Variants in CDH12 observed in about 807,000 individuals in gnomAD.
The protein encoded by CDH12 is cadherin-12.
A neutral mutation model predicts 74.1 loss-of-function variants in CDH12; 41 were observed. The observed-to-expected ratio is 0.55, with a 90% CI of 0.43 to 0.72. The LOEUF (loss-of-function observed/expected upper bound fraction) is 0.72, where lower values mean the gene tolerates loss of function less well. CDH12 is among the 30% of genes least tolerant of loss of function. CDH12 has a pLI of 0.00. For synonymous variants in CDH12, 399 were observed against 355.0 expected, an observed-to-expected ratio of 1.12 and a Z score of -1.39; for missense variants, 945 against 977.2, an observed-to-expected ratio of 0.97 and a Z score of 0.44.
At chr5:22,666,144 T>C (rs566822909) in intron 1 of CDH12, among the ~76,000 whole-genome samples, 1 of 152,254 alleles carries the variant, frequency 6.6e-6, no homozygotes, top group East Asian at 1.9e-4. Flanking sequence ...ATGGACCCAA[T>C]TCCAATGCAG....
In CDH12 at chr5:22,212,620, C is replaced by T; in HGVS notation, c.-309G>A. 5.1e-6 allele frequency: 5 copies of T among 985,362 alleles called. No homozygotes were observed. Among genetic ancestry groups the T allele is most frequent in the Non-Finnish European group, 6.0e-6 (5 of 829,508 alleles). 61.0% of individuals were successfully genotyped at this position (985,362 alleles called of 1,614,324 possible). On this transcript the variant is annotated 5_prime_UTR_variant, in exon 4 of 15. Coordinates refer to ENST00000382254, the MANE Select transcript of CDH12 (RefSeq NM_004061.5). ...TAGCTGCATCCTGTGCTCCTTTTCC[C>T]TGTTATGTTGAGCTCCTCACTGTCT...
intron 1 of CDH12, among the ~76,000 whole-genome samples, chr5:22,563,003 C>A (rs1739130532): frequency 6.9e-6 from 1 of 145,606 alleles, no homozygotes. Flanking sequence ...TTTATATATG[C>A]AAATATATAT....
At chr5:22,208,527 C>T (rs1037247444) in intron 4 of CDH12, among the ~76,000 whole-genome samples, 12 of 152,202 alleles carry the variant, frequency 7.9e-5, no homozygotes, top group Non-Finnish European at 1.2e-4. Context: ...GTCCTTTTTA[C>T]GTTTCTCAAC....
At chr5:22,196,626 C>A (rs1750633966) in intron 4 of CDH12, among the ~76,000 whole-genome samples, 1 of 152,102 alleles carries the variant, frequency 6.6e-6, no homozygotes, top group South Asian at 2.1e-4. Flanking sequence ...CATTTGCTCT[C>A]ATCAAAAAAG....
At chr5:21,882,796 G>T in intron 6 of CDH12, 3 of 1,573,586 alleles carry the variant, frequency 1.9e-6, no homozygotes, top group Non-Finnish European at 2.6e-6. Context: ...CAGAGCTGGG[G>T]AAGTCCCAAC....
At chr5:22,537,098 G>A (rs1454314086) in intron 1 of CDH12, among the ~76,000 whole-genome samples, 1 of 152,106 alleles carries the variant, frequency 6.6e-6, no homozygotes, top group Non-Finnish European at 1.5e-5. Flanking sequence ...TTCTTATGGT[G>A]CCATTAATAG....
intron 1 of CDH12, among the ~76,000 whole-genome samples, chr5:22,725,850 C>T (rs987908012): frequency 2.0e-5 from 3 of 151,882 alleles, no homozygotes; most frequent in African/African-American, 7.2e-5. Flanking sequence ...ATTTTATCCT[C>T]ATGTAAAACA....
At chr5:21,819,711 G>C (rs1748258758) in intron 8 of CDH12, among the ~76,000 whole-genome samples, 1 of 151,970 alleles carries the variant, frequency 6.6e-6, no homozygotes, top group South Asian at 2.1e-4. Context: ...GGAAATAACT[G>C]AACAAGTGTT....
At chr5:22,671,368 T>C (rs1400693321) in intron 1 of CDH12, among the ~76,000 whole-genome samples, 1 of 152,162 alleles carries the variant, frequency 6.6e-6, no homozygotes, top group Non-Finnish European at 1.5e-5. Context: ...ACTAATTTGT[T>C]CTAAACACCA....
intron 4 of CDH12, among the ~76,000 whole-genome samples, chr5:22,111,826 GA>G: frequency 6.6e-6 from 1 of 152,228 alleles, no homozygotes; most frequent in Non-Finnish European, 1.5e-5. Context: ...TTTGAAATTT[GA>G]AATGCATGTA....
chr5:22,425,172 A>ATATATATATATATAT (rs1554039892), intron 2 of CDH12, among the ~76,000 whole-genome samples: 4 of 83,484 alleles, frequency 4.8e-5, no homozygotes, highest in Non-Finnish European at 1.0e-4. Flanking sequence ...TATATATATA[A>ATATATATATATATAT]ATATATATAT....
intron 1 of CDH12, among the ~76,000 whole-genome samples, chr5:22,677,005 T>C (rs1741226877): frequency 1.3e-5 from 2 of 152,316 alleles, no homozygotes; most frequent in South Asian, 4.1e-4. Flanking sequence ...TCTTCTACTT[T>C]AATAATTTTG....
chr5:22,808,421 T>C (rs1748930375), intron 1 of CDH12, among the ~76,000 whole-genome samples: 1 of 152,092 alleles, frequency 6.6e-6, no homozygotes, highest in Non-Finnish European at 1.5e-5. Flanking sequence ...TTTAAATGCT[T>C]ACTTTGTTAG....
intron 2 of CDH12, among the ~76,000 whole-genome samples, chr5:22,468,389 C>G (rs1745818970): frequency 6.6e-6 from 1 of 152,146 alleles, no homozygotes; most frequent in Non-Finnish European, 1.5e-5. Context: ...AATGTGGCTT[C>G]TCTATTCTTT....
chr5:22,801,671 A>ACTT, intron 1 of CDH12, among the ~76,000 whole-genome samples: 2 of 113,576 alleles, frequency 1.8e-5, no homozygotes, highest in Admixed American at 9.2e-5. Context: ...ATATATATAT[A>ACTT]TATATATATA....
At chr5:22,815,769 C>CAAA (rs34135797) in intron 1 of CDH12, among the ~76,000 whole-genome samples, 21 of 97,042 alleles carry the variant, frequency 2.2e-4, no homozygotes, top group Admixed American at 3.5e-4. Flanking sequence ...GACTCCGTCT[C>CAAA]AAAAAAAAAA....
chr5:21,788,701 G>A (rs1015068039), intron 10 of CDH12, among the ~76,000 whole-genome samples: 4 of 151,978 alleles, frequency 2.6e-5, no homozygotes, highest in South Asian at 2.1e-4. Flanking sequence ...ATTTTCCCAC[G>A]TTTGCTTTAT....
chr5:22,573,964 T>A (rs1277961189), intron 1 of CDH12, among the ~76,000 whole-genome samples: 2 of 152,138 alleles, frequency 1.3e-5, no homozygotes, highest in Non-Finnish European at 2.9e-5. Flanking sequence ...CTGACTCTTC[T>A]TGGAGTGCAA....
chr5:22,126,447 C>G (rs183903373), intron 4 of CDH12, among the ~76,000 whole-genome samples: 1 of 152,244 alleles, frequency 6.6e-6, no homozygotes, highest in African/African-American at 2.4e-5. Context: ...TTGGCCAGAA[C>G]TGTATACAAG....
Sources: allele counts gnomAD v4.1 joint callset (sites outside exome capture counted in the v4.1 genomes callset), GRCh38; gene constraint gnomAD v4.1.1; transcripts MANE v1.5; gene names NCBI Gene and HGNC (gene_info 2026-07-23, HGNC 2026-07-21).